The following PXDNL variants were observed in gnomAD, a reference collection of about 807,000 sequenced individuals.
The protein encoded by PXDNL is probable oxidoreductase PXDNL.
PXDNL carries 145 observed loss-of-function variants against 150.8 expected under a neutral mutation model. The observed-to-expected ratio is 0.96, with a 90% confidence interval of 0.84 to 1.10. The LOEUF is 1.10. Among genes scored for constraint, PXDNL ranks in the 50% least tolerant of loss-of-function variants. PXDNL has a pLI of 0.00. For missense variants in PXDNL, 2,087 were observed against 1,873.9 expected (o/e 1.11, Z -2.10); for synonymous variants, 757 against 725.7 (o/e 1.04, Z -0.69).
intron 5 of PXDNL, among the ~76,000 whole-genome samples, chr8:51,486,339 T>C (rs1459441675): frequency 6.6e-6 from 1 of 152,170 alleles, no homozygotes; most frequent in East Asian, 1.9e-4. Context: ...AAATTAATGA[T>C]ATTTTACATC....
intron 4 of PXDNL, among the ~76,000 whole-genome samples, chr8:51,542,986 A>G (rs12114650): frequency 0.14 from 21,672 of 151,882 alleles, 1,704 homozygotes; most frequent in East Asian, 0.28. Context: ...TGAAATAATA[A>G]TAACAAAATA....
chr8:51,506,741 T>C (rs1371043602), intron 4 of PXDNL, among the ~76,000 whole-genome samples: 1 of 152,036 alleles, frequency 6.6e-6, no homozygotes, highest in Non-Finnish European at 1.5e-5. Flanking sequence ...TATGTTGAAT[T>C]ATTTGGTGGT....
intron 1 of PXDNL, among the ~76,000 whole-genome samples, chr8:51,808,355 A>C (rs1383192015): frequency 6.6e-6 from 1 of 152,046 alleles, no homozygotes; most frequent in Non-Finnish European, 1.5e-5. Context: ...ATTTTTTCTT[A>C]AATTTTTGAA....
intron 12 of PXDNL, among the ~76,000 whole-genome samples, chr8:51,444,358 C>A (rs1809622505): frequency 6.6e-6 from 1 of 152,220 alleles, no homozygotes; most frequent in African/African-American, 2.4e-5. Context: ...CTCTGGATCT[C>A]CCTCAACCAG....
At chr8:51,493,635 C>T (rs1433069986) in intron 5 of PXDNL, among the ~76,000 whole-genome samples, 1 of 152,152 alleles carries the variant, frequency 6.6e-6, no homozygotes, top group Non-Finnish European at 1.5e-5. Flanking sequence ...ATGACGAATG[C>T]ACAAGCCTCA....
In PXDNL at chr8:51,644,337, T is replaced by TATACACAC. The variant is rs762947295; in HGVS notation, c.236+10351_236+10352insGTGTGTAT. ...ACATTTTTACATATATATATATATA[T>TATACACAC]ACACACACACACACACACACACACA... On this transcript the variant is annotated intron_variant, in intron 2 of 22. Coordinates refer to ENST00000356297, the MANE Select transcript of PXDNL (RefSeq NM_144651.5). Among the ~76,000 whole-genome samples, 281 of 50,190 alleles carry TATACACAC rather than the reference T, an allele frequency of 5.6e-3. 14 individuals carry two copies. Among genetic ancestry groups the TATACACAC allele is most frequent in the Middle Eastern group, 0.038 (3 of 78 alleles). 32.9% of individuals were successfully genotyped at this position (50,190 alleles called of 152,430 possible).
intron 1 of PXDNL, among the ~76,000 whole-genome samples, chr8:51,688,702 C>T (rs1270524851): frequency 6.6e-6 from 1 of 152,156 alleles, no homozygotes. Flanking sequence ...TCTGTACAGT[C>T]ACTACTCTTT....
chr8:51,339,086 G>A (rs976112935), intron 21 of PXDNL, among the ~76,000 whole-genome samples: 11 of 152,184 alleles, frequency 7.2e-5, no homozygotes, highest in South Asian at 2.1e-4. Flanking sequence ...AGCCCTGAGC[G>A]TTAGGTAGAA....
At chr8:51,460,420 T>A (rs1339563538) in intron 8 of PXDNL, among the ~76,000 whole-genome samples, 1 of 139,828 alleles carries the variant, frequency 7.2e-6, no homozygotes, top group East Asian at 2.1e-4. Flanking sequence ...CTCAACATTA[T>A]GAAAAGTGTG....
At chr8:51,539,881 T>TCACCCAGAAATA in intron 4 of PXDNL, among the ~76,000 whole-genome samples, 3 of 151,960 alleles carry the variant, frequency 2.0e-5, no homozygotes, top group African/African-American at 7.3e-5. Flanking sequence ...TTATTACTCT[T>TCACCCAGAAATA]CTCAGCTATA....
chr8:51,792,089 C>T (rs1156620905), intron 1 of PXDNL, among the ~76,000 whole-genome samples: 2 of 152,022 alleles, frequency 1.3e-5, no homozygotes, highest in East Asian at 3.9e-4. Context: ...GTTTTACCTT[C>T]TGCCTTAAGT....
chr8:51,589,054 G>T (rs1181509229), intron 3 of PXDNL, among the ~76,000 whole-genome samples: 1 of 152,126 alleles, frequency 6.6e-6, no homozygotes, highest in Admixed American at 6.5e-5. Context: ...ACAGGAGTAA[G>T]TTGGTTATCA....
At chr8:51,609,326 T>C (rs1813946091) in intron 2 of PXDNL, among the ~76,000 whole-genome samples, 1 of 151,906 alleles carries the variant, frequency 6.6e-6, no homozygotes, top group African/African-American at 2.4e-5. Flanking sequence ...ATTTATAGAG[T>C]ATGAGGACTC....
In PXDNL at chr8:51,423,747, G is replaced by T. The variant is rs757970672; in HGVS notation, c.1639-16C>A. 6 of 1,600,804 alleles carry T rather than the reference G, an allele frequency of 3.7e-6. No individual in the cohort carries two copies. Among genetic ancestry groups the T allele is most frequent in the Non-Finnish European group, 5.1e-6 (6 of 1,174,752 alleles). ...GCACACCTTCCTAGGGAGCAAAAAA[G>T]AGTTGCCACTGAATGAGTGTGGTTC... On this transcript the variant is annotated splice_polypyrimidine_tract_variant and intron_variant, in intron 13 of 22. Transcript: ENST00000356297.
intron 17 of PXDNL, among the ~76,000 whole-genome samples, chr8:51,377,283 G>C (rs1807352873): frequency 6.6e-6 from 1 of 151,700 alleles, no homozygotes; most frequent in East Asian, 2.0e-4. Context: ...CTTTTTAAGA[G>C]ACAGGGTCTC....
intron 17 of PXDNL, among the ~76,000 whole-genome samples, chr8:51,376,551 T>C (rs1353687226): frequency 6.6e-6 from 1 of 152,196 alleles, no homozygotes; most frequent in Non-Finnish European, 1.5e-5. Context: ...ATAGCTTTAT[T>C]TGAAATACAT....
chr8:51,650,875 C>T (rs928867909), intron 2 of PXDNL, among the ~76,000 whole-genome samples: 1 of 152,178 alleles, frequency 6.6e-6, no homozygotes, highest in Non-Finnish European at 1.5e-5. Context: ...CTTCTCAATA[C>T]AAGCTTTACA....
At chr8:51,525,097 T>C (rs929517697) in intron 4 of PXDNL, among the ~76,000 whole-genome samples, 10 of 151,418 alleles carry the variant, frequency 6.6e-5, no homozygotes, top group African/African-American at 2.2e-4. Flanking sequence ...AATTGCTAGC[T>C]AAGTTTATGT....
rs546777085 is a variant in PXDNL, at chr8:51,561,474, C to T, written c.309-4563G>A. Among the ~76,000 whole-genome samples the T allele has an allele frequency of 1.4e-4, 21 of 151,830 alleles. No homozygotes were observed. In the East Asian group the frequency reaches 4.1e-3, roughly 30 times the overall value. ...ATCACTTGAGCCCAGAAGTTCAAGA[C>T]CAGTCTGGAAAGATGAGATAGCAAG... On this transcript the variant is annotated intron_variant, in intron 3 of 22. Transcript: ENST00000356297.
Sources: gnomAD v4.1 joint callset for allele counts (sites outside exome capture counted in the v4.1 genomes callset) on GRCh38, gnomAD v4.1.1 for gene constraint, MANE v1.5 for transcripts, NCBI Gene and HGNC (gene_info 2026-07-23, HGNC 2026-07-21) for gene names.